Variants in AUTS2 observed in about 807,000 individuals in gnomAD.
The protein encoded by AUTS2 is autism susceptibility gene 2 protein.
A neutral mutation model predicts 112.4 loss-of-function variants in AUTS2; 17 were observed. The observed-to-expected ratio is 0.15, with a 90% CI of 0.10 to 0.23. The LOEUF is 0.23. Among genes scored for constraint, AUTS2 ranks in the 10% least tolerant of loss-of-function variants. The pLI is 1.00. For synonymous variants in AUTS2, 751 were observed against 702.7 expected (o/e 1.07, Z -1.09); for missense variants, 1,510 against 1,701.6 (o/e 0.89, Z 1.98).
At chr7:69,698,803 T>C (rs1797673085) in intron 1 of AUTS2, among the ~76,000 whole-genome samples, 1 of 152,218 alleles carries the variant, frequency 6.6e-6, no homozygotes, top group African/African-American at 2.4e-5. Flanking sequence ...TTTTGAACTT[T>C]TAAGTGCTAA....
chr7:70,648,604 G>C (rs1337625624), intron 5 of AUTS2, among the ~76,000 whole-genome samples: 1 of 151,282 alleles, frequency 6.6e-6, no homozygotes. Flanking sequence ...TGTTTTTTGA[G>C]ACAGTCTCAC....
chr7:70,394,091 A>G (rs1793982638), intron 4 of AUTS2, among the ~76,000 whole-genome samples: 1 of 151,964 alleles, frequency 6.6e-6, no homozygotes, highest in Admixed American at 6.6e-5. Flanking sequence ...GCTATTTTCT[A>G]TTCCCTTGGG....
rs376278568 is a variant in AUTS2 at position 69,810,230 on chromosome 7, T to G, written c.310-89056T>G. ...GCCGGCGTCAGAGCTCATAAGGCTT[T>G]GATTCAAAACCCAACTCTATGACTT... is the stretch of plus-strand genomic sequence containing the variant. On this transcript the variant is annotated intron_variant, in intron 1 of 18. Transcript: ENST00000342771. Among the ~76,000 whole-genome samples the G allele has an allele frequency of 1.4e-4, 22 of 152,324 alleles. No homozygotes were observed. In the East Asian group the frequency reaches 2.1e-3, roughly 15 times the overall value.
chr7:69,652,600 C>T (rs1311354000), intron 1 of AUTS2, among the ~76,000 whole-genome samples: 1 of 151,868 alleles, frequency 6.6e-6, no homozygotes, highest in South Asian at 2.1e-4. Flanking sequence ...GGTGCAGTGA[C>T]CATTTTTCTG....
At chr7:70,731,555 G>C (rs1395929927) in intron 6 of AUTS2, among the ~76,000 whole-genome samples, 3 of 148,670 alleles carry the variant, frequency 2.0e-5, no homozygotes, top group East Asian at 4.1e-4. Flanking sequence ...TCAGCCTCCT[G>C]AGTAGCTGGT....
Position 70,134,672 on chromosome 7 carries a change from C to T in AUTS2, c.660+101C>T, listed in dbSNP as rs1292908344. On this transcript the variant is annotated intron_variant, in intron 4 of 18. Transcript: ENST00000342771. ...TATGAAAAAAAATCTGAGAATTTCT[C>T]TCTCAGTCCTAAAGAGCAGACTGAT... The T allele has an allele frequency of 2.4e-5, 26 of 1,101,172 alleles. No individual in the cohort carries two copies. In the East Asian group the frequency reaches 6.1e-4, roughly 26 times the overall value. 68.2% of individuals were successfully genotyped at this position (1,101,172 alleles called of 1,614,324 possible). A position where few individuals can be genotyped will look rare whatever the true frequency, so the allele number is the denominator to read the frequency against.
At chr7:70,645,663 G>A (rs1056481918) in intron 5 of AUTS2, among the ~76,000 whole-genome samples, 3 of 152,100 alleles carry the variant, frequency 2.0e-5, no homozygotes, top group Admixed American at 2.0e-4. Context: ...TTCTGACAGC[G>A]CAGCTTTTAA....
chr7:70,571,090 G>A (rs1404072953), intron 5 of AUTS2, among the ~76,000 whole-genome samples: 2 of 152,156 alleles, frequency 1.3e-5, no homozygotes, highest in Non-Finnish European at 2.9e-5. Flanking sequence ...TTTGTAGGAC[G>A]AGTGCATGAA....
At chr7:70,203,686 A>T (rs950722307) in intron 4 of AUTS2, among the ~76,000 whole-genome samples, 2 of 147,628 alleles carry the variant, frequency 1.4e-5, no homozygotes, top group Non-Finnish European at 3.0e-5. Flanking sequence ...AAGGAGATTT[A>T]TGAAAAGTAT....
intron 4 of AUTS2, among the ~76,000 whole-genome samples, chr7:70,346,038 G>A (rs191616575): frequency 9.2e-5 from 14 of 152,090 alleles, no homozygotes; most frequent in Admixed American, 8.5e-4. Flanking sequence ...TCTTATCCAG[G>A]TACGTGCCAG....
chr7:70,726,856 C>A (rs1050120561), intron 6 of AUTS2, among the ~76,000 whole-genome samples: 1 of 152,178 alleles, frequency 6.6e-6, no homozygotes, highest in African/African-American at 2.4e-5. Context: ...GGATAACACA[C>A]GGGATTATCT....
At chr7:70,027,675 C>A (rs965933011) in intron 2 of AUTS2, among the ~76,000 whole-genome samples, 1 of 152,182 alleles carries the variant, frequency 6.6e-6, no homozygotes, top group African/African-American at 2.4e-5. Context: ...CTAATGCATA[C>A]ATTTCTATTG....
At chr7:69,831,107 C>A (rs1425256778) in intron 1 of AUTS2, among the ~76,000 whole-genome samples, 1 of 152,238 alleles carries the variant, frequency 6.6e-6, no homozygotes, top group South Asian at 2.1e-4. Flanking sequence ...CTTTAATTCC[C>A]ACCTGATCCC....
intron 1 of AUTS2, among the ~76,000 whole-genome samples, chr7:69,772,495 C>T (rs1788711458): frequency 6.6e-6 from 1 of 152,170 alleles, no homozygotes; most frequent in African/African-American, 2.4e-5. Flanking sequence ...GACTGGAGTG[C>T]AGTGGCACGA....
intron 2 of AUTS2, among the ~76,000 whole-genome samples, chr7:69,964,663 T>C (rs1324041078): frequency 6.6e-6 from 1 of 151,960 alleles, no homozygotes; most frequent in Non-Finnish European, 1.5e-5. Flanking sequence ...TTCATTACCT[T>C]ACTTTTTTCC....
At chr7:70,760,901 G>A (rs924497907) in intron 6 of AUTS2, among the ~76,000 whole-genome samples, 1 of 152,246 alleles carries the variant, frequency 6.6e-6, no homozygotes, top group Non-Finnish European at 1.5e-5. Context: ...TCTGAAGCAT[G>A]TGAAGAAGGC....
At chr7:70,736,998 A>T (rs536480734) in intron 6 of AUTS2, among the ~76,000 whole-genome samples, 1 of 152,324 alleles carries the variant, frequency 6.6e-6, no homozygotes, top group Admixed American at 6.5e-5. Context: ...CATTTCCCTC[A>T]TAACAGTCTC....
At chr7:70,277,926 T>TTGTGTGTGTGTG (rs35535865) in intron 4 of AUTS2, among the ~76,000 whole-genome samples, 93 of 129,162 alleles carry the variant, frequency 7.2e-4, no homozygotes, top group African/African-American at 1.9e-3. Flanking sequence ...CCTTGTGTAT[T>TTGTGTGTGTGTG]TGTGTGTGTG....
At chr7:70,389,545 G>A (rs189924924) in intron 4 of AUTS2, among the ~76,000 whole-genome samples, 1 of 152,216 alleles carries the variant, frequency 6.6e-6, no homozygotes, top group Admixed American at 6.5e-5. Flanking sequence ...TTGAAATGGG[G>A]AGTTGCCTAA....
Sources: gnomAD v4.1 joint callset for allele counts (sites outside exome capture counted in the v4.1 genomes callset) on GRCh38, gnomAD v4.1.1 for gene constraint, MANE v1.5 for transcripts, NCBI Gene and HGNC (gene_info 2026-07-23, HGNC 2026-07-21) for gene names.